The following ITGA11 variants were observed in gnomAD, a reference collection of about 807,000 sequenced individuals.
The protein encoded by ITGA11 is integrin alpha-11.
Under a neutral mutation model 141.9 loss-of-function variants are expected in ITGA11, and 97 were observed. The ratio of observed to expected loss-of-function variants is 0.68; its 90% CI spans 0.58 to 0.81. The LOEUF (loss-of-function observed/expected upper bound fraction) is 0.81. Ranked by LOEUF, ITGA11 falls within the 30% of genes least tolerant of loss-of-function variation. The probability of loss-of-function intolerance (pLI) is 0.00; values close to 1 mark genes in which losing one functional copy is unlikely to be tolerated. For missense variants in ITGA11, 1,387 were observed against 1,559.2 expected (o/e 0.89, Z 1.86); for synonymous variants, 658 against 624.6 (o/e 1.05, Z -0.80).
At chr15:68,412,549 C>G (rs1896797378) in intron 1 of ITGA11, among the ~76,000 whole-genome samples, 1 of 152,100 alleles carries the variant, frequency 6.6e-6, no homozygotes, top group Non-Finnish European at 1.5e-5. Flanking sequence ...CCTCCTTCAC[C>G]TCATTTTCTC....
At chr15:68,361,870 G>T in intron 4 of ITGA11, 166 bp from the exon 5 acceptor site, 1 of 586,030 alleles carries the variant, frequency 1.7e-6, no homozygotes, top group Non-Finnish European at 3.0e-6. Context: ...CTCTCTTGCT[G>T]CAATGTGTAC....
chr15:68,354,588 T>A (rs1567141682), intron 7 of ITGA11, among the ~76,000 whole-genome samples: 1 of 152,208 alleles, frequency 6.6e-6, no homozygotes, highest in Non-Finnish European at 1.5e-5. Flanking sequence ...TCTCCTCTGC[T>A]GTTCTCAGGG....
rs1253359898 is a variant in ITGA11 at position 68,298,618 on chromosome 15, CCT to C, written c.*4439_*4440del. On this transcript the variant is annotated 3_prime_UTR_variant, in exon 30 of 30. Coordinates refer to ENST00000315757, the MANE Select transcript of ITGA11 (RefSeq NM_001004439.2). ...TCTAGCCTGGGTGACAGAGCAAGAC[CCT>C]GTCTCAAAAATAAAAATAAGAAAGA... 1 of 147,840 alleles carries C rather than the reference CCT, an allele frequency of 6.8e-6. No homozygotes were observed. Among genetic ancestry groups the C allele is most frequent in the African/African-American group, 2.5e-5 (1 of 40,088 alleles). The allele number at this position is 147,840 out of a possible 1,614,324, so 9.2% of individuals were successfully genotyped here.
rs746813861 is a variant in ITGA11, at chr15:68,402,987, A to G, written c.95T>C (p.Val32Ala). 9.3e-6 allele frequency: 15 copies of G among 1,613,674 alleles called. No individual in the cohort carries two copies. In the Admixed American group the frequency reaches 1.7e-4, roughly 18 times the overall value. The stretch of plus-strand genomic sequence containing the variant: ...GAAGGCGGTCCTGGAGCCAGGGATG[A>G]CCCGGGGCTTCCTGGTGTCCATGTT... ...TFNMDTRKPR[V>A]IPGSRTAFFG... Residue 32 changes from valine (V) to alanine (A), a missense_variant, in exon 2 of 30, where the codon GTC (valine) becomes GCC (alanine). Val to Ala is a moderately conservative substitution (Grantham distance 64). Transcript: ENST00000315757.
Position 68,332,375 on chromosome 15 carries a change from C to T in ITGA11, c.1529G>A (p.Arg510His), listed in dbSNP as rs1363634514. Reference protein sequence around the residue: ...VGAPMYFNEGRERGKVYVYEL... With the variant: ...VGAPMYFNEGHERGKVYVYEL... ...ATAGACGTACACCTTGCCTCGCTCA[C>T]GGCCCTCGTTGAAGTACATGGGTGC... Residue 510 changes from arginine to histidine, a missense_variant, in exon 13 of 30, where the codon CGT becomes CAT. Physicochemically the swap from Arg to His is conservative, Grantham distance 29 (BLOSUM62 0). Coordinates refer to ENST00000315757, the MANE Select transcript of ITGA11 (RefSeq NM_001004439.2). 6.2e-6 allele frequency: 10 copies of T among 1,609,284 alleles called. No individual in the cohort carries two copies. The highest frequency in any genetic ancestry group is 3.4e-5 in the Admixed American group (2 of 59,456).
chr15:68,325,329 C>T lies in ITGA11; in HGVS notation c.2212-88G>A, dbSNP rs1355723560. The T allele has an allele frequency of 5.5e-6, 5 of 902,316 alleles. No homozygotes were observed. The highest frequency in any genetic ancestry group is 4.2e-5 in the South Asian group (3 of 71,464). The allele number at this position is 902,316 out of a possible 1,614,324, so 55.9% of individuals were successfully genotyped here. A position where few individuals can be genotyped will look rare whatever the true frequency, so the allele number is the denominator to read the frequency against. ...CGTGGATGCTGAGATAGAACTTCCA[C>T]CTTCCTTAGATGGCAGGGCAGCTGC... On this transcript the variant is annotated intron_variant, in intron 17 of 29. Coordinates refer to ENST00000315757, the MANE Select transcript of ITGA11 (RefSeq NM_001004439.2). The surrounding 1 kb of genome is among the most constrained non-coding windows in gnomAD (Gnocchi z 5.5).
chr15:68,400,907 A>C (rs1186735128), intron 2 of ITGA11, among the ~76,000 whole-genome samples: 1 of 99,254 alleles, frequency 1.0e-5, no homozygotes, highest in Non-Finnish European at 1.8e-5. Flanking sequence ...ATTATATATT[A>C]TATAATAAAT....
intron 21 of ITGA11, 121 bp downstream of exon 21, chr15:68,317,144 A>G (rs548851520): frequency 4.1e-6 from 3 of 728,360 alleles, no homozygotes; most frequent in Non-Finnish European, 7.4e-6. Flanking sequence ...AAGCCACCTC[A>G]GGCCTCCCAT....
intron 1 of ITGA11, among the ~76,000 whole-genome samples, chr15:68,403,705 G>A (rs1180491190): frequency 6.6e-6 from 1 of 151,872 alleles, no homozygotes; most frequent in African/African-American, 2.4e-5. Context: ...CTCGGTCTTG[G>A]CTCACTGCAA....
chr15:68,399,639 G>A (rs1008696698), intron 2 of ITGA11, among the ~76,000 whole-genome samples: 1 of 152,044 alleles, frequency 6.6e-6, no homozygotes, highest in African/African-American at 2.4e-5. Context: ...GAAAAAGAAA[G>A]AAATCATGTC....
Position 68,339,508 on chromosome 15 carries a change from G to A in ITGA11, c.1268C>T (p.Ala423Val). 2 of 1,613,050 alleles carry A rather than the reference G, an allele frequency of 1.2e-6. No individual in the cohort carries two copies. The highest frequency in any genetic ancestry group is 1.7e-6 in the Non-Finnish European group (2 of 1,179,546). Reference protein sequence around the residue: ...EFPEELKNHGAYLGYTVTSVV... With the variant: ...EFPEELKNHGVYLGYTVTSVV... ...TCACTCTGCGCTCTTACCCAGGTAT[G>A]CACCATGGTTCTTGAGCTCCTCGGG... Residue 423 changes from alanine to valine, a missense_variant, in exon 11 of 30, where the codon GCA becomes GTA. Coordinates refer to ENST00000315757, the MANE Select transcript of ITGA11 (RefSeq NM_001004439.2).
At chr15:68,312,467 G>A (rs1401367098) in intron 24 of ITGA11, among the ~76,000 whole-genome samples, 1 of 152,110 alleles carries the variant, frequency 6.6e-6, no homozygotes, top group Non-Finnish European at 1.5e-5. Flanking sequence ...TGCCAACTCT[G>A]GGCTTCTTTT....
At chr15:68,373,100 T>A (rs1252227862) in intron 2 of ITGA11, among the ~76,000 whole-genome samples, 1 of 152,200 alleles carries the variant, frequency 6.6e-6, no homozygotes, top group Non-Finnish European at 1.5e-5. Context: ...GTGGTGTGTG[T>A]ACCCCACCCT....
chr15:68,343,748 C>T (rs1894645421), intron 10 of ITGA11, among the ~76,000 whole-genome samples: 1 of 152,146 alleles, frequency 6.6e-6, no homozygotes, highest in Non-Finnish European at 1.5e-5. Flanking sequence ...CCTTCTAAGG[C>T]ACATACACCA....
intron 14 of ITGA11, 54 bp from the exon 15 acceptor site, chr15:68,331,165 G>C: frequency 6.7e-7 from 1 of 1,496,170 alleles, no homozygotes; most frequent in Non-Finnish European, 9.1e-7. Context: ...GTGTGGGGGC[G>C]GGCGTCCCCG....
At chr15:68,407,916 C>A (rs2140419902) in intron 1 of ITGA11, among the ~76,000 whole-genome samples, 1 of 152,360 alleles carries the variant, frequency 6.6e-6, no homozygotes, top group South Asian at 2.1e-4. Flanking sequence ...TGGCTAAGGC[C>A]ATTCAACAGC....
chr15:68,389,028 A>G (rs1276802421), intron 2 of ITGA11, among the ~76,000 whole-genome samples: 1 of 151,336 alleles, frequency 6.6e-6, no homozygotes, highest in Non-Finnish European at 1.5e-5. Flanking sequence ...CCATCTCTGT[A>G]CTCTTTCCCA....
At chr15:68,389,503 G>A (rs1896065287) in intron 2 of ITGA11, among the ~76,000 whole-genome samples, 1 of 152,242 alleles carries the variant, frequency 6.6e-6, no homozygotes, top group Non-Finnish European at 1.5e-5. Flanking sequence ...AGAGGGACTA[G>A]AGAGATCTGG....
chr15:68,307,489 T>TTCCCG lies in ITGA11; in HGVS notation c.3286-51_3286-47dup, dbSNP rs1213542292. ...TCAGAAGCTGGCTTGGAAGCTTTTC[T>TTCCCG]TCCCGTCCCCTCCCCAGGCAGCCCC... On this transcript the variant is annotated intron_variant, in intron 27 of 29. Transcript: ENST00000315757. This position sits in a 1 kb window ranked among gnomAD's most constrained non-coding sequence, Gnocchi z 6.1. 1 of 1,529,388 alleles carries TTCCCG rather than the reference T, an allele frequency of 6.5e-7. No individual in the cohort carries two copies. The allele number at this position is 1,529,388 out of a possible 1,614,324, so 94.7% of individuals were successfully genotyped here. A position where few individuals can be genotyped will look rare whatever the true frequency, so the allele number is the denominator to read the frequency against.
Sources: gnomAD v4.1 joint callset for allele counts (sites outside exome capture counted in the v4.1 genomes callset) on GRCh38, gnomAD v4.1.1 for gene constraint, Gnocchi (gnomAD v3.1) non-coding constraint, MANE v1.5 for transcripts, NCBI Gene and HGNC (gene_info 2026-07-23, HGNC 2026-07-21) for gene names.